ERVFRD-1: variants seen among roughly 807,000 people sequenced by gnomAD.
The protein encoded by ERVFRD-1 is endogenous retrovirus group FRD member 1, envelope, also known as syncytin-2.
A neutral mutation model predicts 43.8 loss-of-function variants in ERVFRD-1; 33 were observed. The ratio of observed to expected loss-of-function variants is 0.75; its 90% CI spans 0.57 to 1.01. The LOEUF is 1.01. ERVFRD-1 is among the 50% of genes least tolerant of loss of function. The probability of loss-of-function intolerance (pLI) is 0.00; values close to 1 mark genes in which losing one functional copy is unlikely to be tolerated. For synonymous variants in ERVFRD-1, 239 were observed against 244.4 expected (o/e 0.98, Z 0.21); for missense variants, 568 against 658.4 (o/e 0.86, Z 1.50).
At chr6:11,109,133 G>A (rs560047514) in intron 1 of ERVFRD-1, among the ~76,000 whole-genome samples, 1 of 152,328 alleles carries the variant, frequency 6.6e-6, no homozygotes, top group South Asian at 2.1e-4. Context: ...CAAATTGTTG[G>A]ACCGCCACCA....
chr6:11,104,610 C>G lies in ERVFRD-1; in HGVS notation c.701G>C (p.Arg234Pro), dbSNP rs756242354. ...TTTATTTTCCCAAAAAAGAGAATTT[C>G]GAGTTTGGTCCAATAGAACCCATTC... ...TAEWVLLDQT[R>P]NSLFWENKTK... The change falls in exon 2 of 2, where the codon CGA becomes CCA. Residue 234 changes from arginine to proline, a missense_variant. Physicochemically the swap from Arg to Pro is moderately radical, Grantham distance 103 (BLOSUM62 -2). Coordinates refer to ENST00000472091, the MANE Select transcript of ERVFRD-1 (RefSeq NM_207582.3). The G allele has an allele frequency of 6.2e-7, 1 of 1,614,088 alleles. No homozygotes were observed. The highest frequency in any genetic ancestry group is 8.5e-7 in the Non-Finnish European group (1 of 1,180,026).
rs767650592 is a variant in ERVFRD-1 at position 11,103,719 on chromosome 6, C to T, written c.1592G>A (p.Arg531His). 9.7e-6 allele frequency: 15 copies of T among 1,550,872 alleles called. No homozygotes were observed. Among genetic ancestry groups the T allele is most frequent in the East Asian group, 2.4e-5 (1 of 40,916 alleles). The change falls in exon 2 of 2, where the codon CGC (arginine) becomes CAC (histidine). Residue 531 changes from arginine to histidine, a missense_variant. Transcript: ENST00000472091. Reference protein sequence around the residue: ...QTNLSAGRHPRNIQESPF With the variant: ...QTNLSAGRHPHNIQESPF ...TTAGAAGGGTGACTCTTGAATATTG[C>T]GAGGATGGCGTCCTGCACTGAGATT...
intron 1 of ERVFRD-1, 70 bp downstream of exon 1, chr6:11,111,607 A>G (rs72825126): frequency 0.02 from 3,085 of 152,434 alleles, 47 homozygotes; most frequent in South Asian, 0.049. Flanking sequence ...AGAGTGAAAG[A>G]GGAGAACGAA....
Position 11,104,120 on chromosome 6 carries a change from T to C in ERVFRD-1, c.1191A>G (p.Lys397=). The change falls in exon 2 of 2, where the codon AAA becomes AAG. Residue 397 remains lysine (K), a synonymous_variant. Coordinates refer to ENST00000472091, the MANE Select transcript of ERVFRD-1 (RefSeq NM_207582.3). ...TTTGTTCTTGCATGGTCGTTAAGGC[T>C]TTAGCCATGGTGTCAATGTTGTTGG... ...EIANNIDTMA[K]ALTTMQEQID... 1 of 1,551,694 alleles carries C rather than the reference T, an allele frequency of 6.4e-7. No homozygotes were observed. The highest frequency in any genetic ancestry group is 1.4e-5 in the African/African-American group (1 of 73,164).
rs1200589706 is a variant in ERVFRD-1, at chr6:11,104,684, AG to A, written c.626del (p.Pro209LeufsTer49). On this transcript the variant is annotated frameshift_variant, in exon 2 of 2. Coordinates refer to ENST00000472091, the MANE Select transcript of ERVFRD-1 (RefSeq NM_207582.3). LOFTEE classifies it high-confidence loss of function. The part of the protein sequence containing the change: ...SCSTRNFWFR[P>X]ADYNQCLQIS... ...TTTGCAGACATTGGTTATAATCAGC[AG>A]GCCGGAACCAGAAGTTTCGAGTACT... The A allele has an allele frequency of 6.2e-7, 1 of 1,614,264 alleles. No homozygotes were observed. Among genetic ancestry groups the A allele is most frequent in the Non-Finnish European group, 8.5e-7 (1 of 1,180,048 alleles).
chr6:11,104,013 G>A lies in ERVFRD-1; in HGVS notation c.1298C>T (p.Ala433Val). 3.2e-6 allele frequency: 5 copies of A among 1,551,602 alleles called. No individual in the cohort carries two copies. The East Asian group carries it at 7.3e-5, about 23-fold the overall frequency. ...LTAAQGGICL[A>V]LDEKCCFWVN... ...CCAAAAGCAACATTTTTCATCTAAG[G>A]CCAAACAAATTCCTCCCTGTGCTGC... Residue 433 changes from alanine to valine, a missense_variant, in exon 2 of 2, where the codon GCC becomes GTC. Ala to Val is a moderately conservative substitution (Grantham distance 64). Coordinates refer to ENST00000472091, the MANE Select transcript of ERVFRD-1 (RefSeq NM_207582.3).
rs1384422409 is a variant in ERVFRD-1, at chr6:11,103,690, C to G, written c.*4G>C. 1 of 1,547,600 alleles carries G rather than the reference C, an allele frequency of 6.5e-7. No homozygotes were observed. The stretch of plus-strand genomic sequence containing the variant: ...TCCACTAGCGAGCAGTCTAGGGGTC[C>G]TCCTTAGAAGGGTGACTCTTGAATA... On this transcript the variant is annotated 3_prime_UTR_variant, in exon 2 of 2. Transcript: ENST00000472091.
At position 11,104,337 on chromosome 6, in the gene ERVFRD-1, T is replaced by A. The variant is rs1292065514; in HGVS notation, c.974A>T (p.Asp325Val). ...GTCTIGYVTPDIFIAPGNLSL... is the reference protein window; with the variant it reads ...GTCTIGYVTPVIFIAPGNLSL... ...GAGATTGCCAGGGGCTATGAAGATG[T>A]CTGGGGTTACATAGCCTATGGTACA... The change falls in exon 2 of 2, where the codon GAC becomes GTC. Residue 325 changes from aspartate (D) to valine (V), a missense_variant. Physicochemically the swap from Asp to Val is radical, Grantham distance 152 (BLOSUM62 -3). Transcript: ENST00000472091. The A allele has an allele frequency of 6.4e-7, 1 of 1,551,700 alleles. No individual in the cohort carries two copies. The highest frequency in any genetic ancestry group is 1.2e-5 in the South Asian group (1 of 84,056).
chr6:11,104,621 C>T lies in ERVFRD-1; in HGVS notation c.690G>A (p.Leu230=), dbSNP rs965146869. ...AAAAAAGAGAATTTCGAGTTTGGTCCAATAGAACCCATTCCGCTGTAGAGC... is the reference window on the plus strand; with the variant it reads ...AAAAAAGAGAATTTCGAGTTTGGTCTAATAGAACCCATTCCGCTGTAGAGC... ...NLSSTAEWVL[L]DQTRNSLFWE... is the part of the protein sequence containing the mutation. The change falls in exon 2 of 2, where the codon TTG becomes TTA. Residue 230 remains leucine, a synonymous_variant. Coordinates refer to ENST00000472091, the MANE Select transcript of ERVFRD-1 (RefSeq NM_207582.3). 1.2e-6 allele frequency: 2 copies of T among 1,613,982 alleles called. No homozygotes were observed. The highest frequency in any genetic ancestry group is 2.7e-5 in the African/African-American group (2 of 74,872).
chr6:11,103,457 C>A lies in ERVFRD-1; in HGVS notation c.*237G>T, dbSNP rs13214911. On this transcript the variant is annotated 3_prime_UTR_variant, in exon 2 of 2. Coordinates refer to ENST00000472091, the MANE Select transcript of ERVFRD-1 (RefSeq NM_207582.3). The stretch of plus-strand genomic sequence containing the variant: ...TAGCTACCTGCTCCAACATTTCCCC[C>A]CCTCAAGAGTCCAAGACCCAATTAT... The A allele has an allele frequency of 0.16, 85,655 of 525,972 alleles. 8,024 individuals are homozygous for A. The highest frequency in any genetic ancestry group is 0.29 in the African/African-American group (15,259 of 53,230). The allele number at this position is 525,972 out of a possible 1,614,324, so 32.6% of individuals were successfully genotyped here.
At chr6:11,105,835 A>T (rs1459320267) in intron 1 of ERVFRD-1, among the ~76,000 whole-genome samples, 1 of 152,120 alleles carries the variant, frequency 6.6e-6, no homozygotes, top group Non-Finnish European at 1.5e-5. Flanking sequence ...GAAGAAACAT[A>T]GTGGGTGATT....
chr6:11,110,291 C>T (rs549766340), intron 1 of ERVFRD-1, among the ~76,000 whole-genome samples: 9 of 152,290 alleles, frequency 5.9e-5, no homozygotes, highest in Non-Finnish European at 1.0e-4. Context: ...GTGTTTGTAG[C>T]CTGGAACTAG....
At chr6:11,111,127 G>C (rs1045847347) in intron 1 of ERVFRD-1, among the ~76,000 whole-genome samples, 1 of 152,188 alleles carries the variant, frequency 6.6e-6, no homozygotes, top group African/African-American at 2.4e-5. Flanking sequence ...CATCCGTAAG[G>C]GAGTCCATCT....
At position 11,104,502 on chromosome 6, in the gene ERVFRD-1, G is replaced by T. The variant is rs781074920; in HGVS notation, c.809C>A (p.Ser270Ter). 6.4e-6 allele frequency: 10 copies of T among 1,558,318 alleles called. No individual in the cohort carries two copies. In the South Asian group the frequency reaches 1.1e-4, roughly 16 times the overall value. Residue 270 changes from serine to a stop codon, truncating the protein, a stop_gained, in exon 2 of 2, where the codon TCA becomes TAA. Coordinates refer to ENST00000472091, the MANE Select transcript of ERVFRD-1 (RefSeq NM_207582.3). LOFTEE classifies it high-confidence loss of function. ...GGTTCCAAAAAATTCTGAGACTGCTGATATGCCCAGGTAGCTGGTGGCTAT... is the reference window on the plus strand; with the variant it reads ...GGTTCCAAAAAATTCTGAGACTGCTTATATGCCCAGGTAGCTGGTGGCTAT... ...MTIATSYLGI[S>*]AVSEFFGTSL... is the part of the protein sequence containing the mutation.
At chr6:11,109,533 C>T (rs1359271984) in intron 1 of ERVFRD-1, among the ~76,000 whole-genome samples, 3 of 152,104 alleles carry the variant, frequency 2.0e-5, no homozygotes, top group African/African-American at 7.2e-5. Context: ...TGACTATGGC[C>T]ATGGATCTGT....
rs765981424 is a variant in ERVFRD-1, at chr6:11,103,807, A to G, written c.1504T>C (p.Cys502Arg). 11 of 1,551,704 alleles carry G rather than the reference A, an allele frequency of 7.1e-6. No individual in the cohort carries two copies. The highest frequency in any genetic ancestry group is 2.4e-5 in the East Asian group (1 of 40,920). Reference sequence around the variant, plus strand: ...AATTGGGTTATTAGATTTAGGAGACATGGACCAAAAAGGAGCAAAAGTAGG... The same window carrying G: ...AATTGGGTTATTAGATTTAGGAGACGTGGACCAAAAAGGAGCAAAAGTAGG... The part of the protein sequence containing the change: ...SLLLLLLFGP[C>R]LLNLITQFVS... Residue 502 changes from cysteine to arginine, a missense_variant, in exon 2 of 2, where the codon TGT (cysteine) becomes CGT (arginine). Physicochemically the swap from Cys to Arg is radical, Grantham distance 180. Transcript: ENST00000472091.
chr6:11,109,217 T>C (rs370148287), intron 1 of ERVFRD-1, among the ~76,000 whole-genome samples: 7 of 152,338 alleles, frequency 4.6e-5, no homozygotes, highest in African/African-American at 1.7e-4. Context: ...TGAGTTCAGA[T>C]GTTAAGCCCA....
chr6:11,107,696 A>G (rs1016321693), intron 1 of ERVFRD-1, among the ~76,000 whole-genome samples: 1 of 152,200 alleles, frequency 6.6e-6, no homozygotes, highest in African/African-American at 2.4e-5. Flanking sequence ...TGAGTTGGGG[A>G]TCATTGGGTG....
In ERVFRD-1 at chr6:11,104,026, C is replaced by T; in HGVS notation, c.1285G>A (p.Gly429Arg). 2 of 1,551,728 alleles carry T rather than the reference C, an allele frequency of 1.3e-6. No individual in the cohort carries two copies. Among genetic ancestry groups the T allele is most frequent in the Non-Finnish European group, 1.7e-6 (2 of 1,146,994 alleles). ...GLDMLTAAQG[G>R]ICLALDEKCC... ...TTTTCATCTAAGGCCAAACAAATTCCTCCCTGTGCTGCCGTTAACATGTCT... is the reference window on the plus strand; with the variant it reads ...TTTTCATCTAAGGCCAAACAAATTCTTCCCTGTGCTGCCGTTAACATGTCT... Residue 429 changes from glycine to arginine, a missense_variant, in exon 2 of 2, where the codon GGA (glycine) becomes AGA (arginine). Transcript: ENST00000472091.
Sources: allele counts gnomAD v4.1 joint callset (sites outside exome capture counted in the v4.1 genomes callset), GRCh38; gene constraint gnomAD v4.1.1; transcripts MANE v1.5; gene names NCBI Gene and HGNC (gene_info 2026-07-23, HGNC 2026-07-21).